TM9SF2: variants seen among roughly 807,000 people sequenced by gnomAD.
TM9SF2 encodes the protein 76 kDa membrane protein.
A neutral mutation model predicts 84.9 loss-of-function variants in TM9SF2; 13 were observed. The observed-to-expected ratio is 0.15, with a 90% CI of 0.10 to 0.24. TM9SF2 has a LOEUF of 0.24. Ranked by LOEUF, TM9SF2 falls within the 10% of genes least tolerant of loss-of-function variation. The pLI is 1.00. For synonymous variants in TM9SF2, 273 were observed against 285.8 expected, an observed-to-expected ratio of 0.96 and a Z score of 0.45; for missense variants, 562 against 818.5, an observed-to-expected ratio of 0.69 and a Z score of 3.82.
chr13:99,508,443 A>ACACC lies in TM9SF2; in HGVS notation c.171+6667_171+6668insACCC, dbSNP rs1311954976. 5.2e-4 allele frequency among the ~76,000 whole-genome samples: 76 copies of ACACC among 147,560 alleles called. 1 individual carries two copies. The highest frequency in any genetic ancestry group is 2.4e-3 in the South Asian group (11 of 4,582). On this transcript the variant is annotated intron_variant, in intron 1 of 16. Coordinates refer to ENST00000376387, the MANE Select transcript of TM9SF2 (RefSeq NM_004800.3). ...CACACACACACACACACACACACAC[A>ACACC]CCCCAGAGATTCAGTAGCTACTCCA... is the stretch of plus-strand genomic sequence containing the variant.
At chr13:99,537,604 A>G in intron 5 of TM9SF2, 135 bp from the exon 6 acceptor site, 1 of 673,960 alleles carries the variant, frequency 1.5e-6, no homozygotes. Flanking sequence ...TAAAATTGAA[A>G]CATGTTAATG....
rs183670142 is a variant in TM9SF2 at position 99,541,847 on chromosome 13, T to C, written c.1017+180T>C. The C allele has an allele frequency of 5.3e-5, 24 of 456,578 alleles. No homozygotes were observed. In the East Asian group the frequency reaches 6.3e-4, roughly 12 times the overall value. The allele number at this position is 456,578 out of a possible 1,614,324, so 28.3% of individuals were successfully genotyped here. A position where few individuals can be genotyped will look rare whatever the true frequency, so the allele number is the denominator to read the frequency against. On this transcript the variant is annotated intron_variant, in intron 9 of 16. Transcript: ENST00000376387. ...TTCACATTTTCAAATAAGAAAGTGA[T>C]ACTTAAGAATTAATATTCTTGGCTG... is the stretch of plus-strand genomic sequence containing the variant.
At chr13:99,519,115 A>T (rs955521370) in intron 2 of TM9SF2, among the ~76,000 whole-genome samples, 1 of 152,198 alleles carries the variant, frequency 6.6e-6, no homozygotes. Context: ...ATATCTAAGT[A>T]TGTCTAAGAA....
intron 16 of TM9SF2, among the ~76,000 whole-genome samples, chr13:99,561,033 A>C (rs2046342961): frequency 1.3e-5 from 2 of 152,338 alleles, no homozygotes; most frequent in South Asian, 4.1e-4. Flanking sequence ...TGAATTTTGT[A>C]ATCTGAATTA....
chr13:99,550,041 A>G (rs565252681), intron 12 of TM9SF2, among the ~76,000 whole-genome samples: 10 of 152,050 alleles, frequency 6.6e-5, no homozygotes, highest in Non-Finnish European at 1.2e-4. Flanking sequence ...CCCTCTGTCA[A>G]CTCACGAAGG....
chr13:99,550,661 T>C (rs1227087613), intron 12 of TM9SF2, among the ~76,000 whole-genome samples: 1 of 152,210 alleles, frequency 6.6e-6, no homozygotes, highest in East Asian at 1.9e-4. Flanking sequence ...GAAGGATCAT[T>C]TAATAACAGG....
chr13:99,549,320 A>T (rs1311144219), intron 12 of TM9SF2, 98 bp downstream of exon 12: 1 of 903,820 alleles, frequency 1.1e-6, no homozygotes, highest in Admixed American at 2.2e-5. Flanking sequence ...TCTCTAAATC[A>T]TGTACCTAAG....
chr13:99,519,976 A>AG, intron 2 of TM9SF2, 60 bp from the exon 3 acceptor site: 2 of 1,469,322 alleles, frequency 1.4e-6, no homozygotes, highest in South Asian at 2.3e-5. Flanking sequence ...AAGATTGGCT[A>AG]GGTGTTTGAT....
At chr13:99,538,621 C>T (rs1171781569) in intron 6 of TM9SF2, among the ~76,000 whole-genome samples, 3 of 151,802 alleles carry the variant, frequency 2.0e-5, no homozygotes, top group Non-Finnish European at 4.4e-5. Flanking sequence ...CATAATGAGA[C>T]CCTGTCTCTA....
chr13:99,554,180 T>G, intron 13 of TM9SF2, 124 bp from the exon 14 acceptor site: 1 of 1,171,848 alleles, frequency 8.5e-7, no homozygotes, highest in Non-Finnish European at 1.2e-6. Context: ...ATGTCTTAAG[T>G]AGACTTTATT....
chr13:99,536,535 A>G, intron 4 of TM9SF2, 73 bp from the exon 5 acceptor site: 1 of 1,537,788 alleles, frequency 6.5e-7, no homozygotes, highest in South Asian at 1.2e-5. Flanking sequence ...AAGTGATGAC[A>G]CTGATTTGGG....
intron 4 of TM9SF2, among the ~76,000 whole-genome samples, chr13:99,531,081 G>A (rs1479832041): frequency 6.6e-6 from 1 of 151,936 alleles, no homozygotes; most frequent in Non-Finnish European, 1.5e-5. Flanking sequence ...GGCTGGTCTC[G>A]AACTCCTGAC....
At chr13:99,502,774 A>C (rs1049854941) in intron 1 of TM9SF2, among the ~76,000 whole-genome samples, 1 of 152,236 alleles carries the variant, frequency 6.6e-6, no homozygotes, top group African/African-American at 2.4e-5. Flanking sequence ...ATAATCGTTC[A>C]ACAAACGTTT....
In TM9SF2 at chr13:99,537,757, G is replaced by A; in HGVS notation, c.610G>A (p.Asp204Asn). Reference protein sequence around the residue: ...CVISSDFHERDTFYIFNHVDI... With the variant: ...CVISSDFHERNTFYIFNHVDI... Reference sequence around the variant, plus strand: ...TCTGCAGTCAGATTTCCATGAAAGAGATACATTTTACATCTTCAACCATGT... The same window carrying A: ...TCTGCAGTCAGATTTCCATGAAAGAAATACATTTTACATCTTCAACCATGT... The change falls in exon 6 of 17, where the codon GAT (aspartate) becomes AAT (asparagine). Residue 204 changes from aspartate (D) to asparagine (N), a missense_variant. By Grantham distance (23) the Asp-to-Asn change is conservative (BLOSUM62 1). Transcript: ENST00000376387. 1 of 1,607,178 alleles carries A rather than the reference G, an allele frequency of 6.2e-7. No individual in the cohort carries two copies. The highest frequency in any genetic ancestry group is 8.5e-7 in the Non-Finnish European group (1 of 1,178,612).
At chr13:99,539,609 A>T in intron 7 of TM9SF2, 52 bp downstream of exon 7, 3 of 1,115,354 alleles carry the variant, frequency 2.7e-6, no homozygotes, top group Non-Finnish European at 4.1e-6. Flanking sequence ...TTAAATTTGT[A>T]CTACTTAAAC....
chr13:99,501,991 A>G (rs1012799485), intron 1 of TM9SF2, among the ~76,000 whole-genome samples: 8 of 152,214 alleles, frequency 5.3e-5, no homozygotes, highest in African/African-American at 1.7e-4. Context: ...AGTGGGCCTC[A>G]GACTCGCCTC....
intron 5 of TM9SF2, among the ~76,000 whole-genome samples, chr13:99,537,063 T>A (rs2046237595): frequency 6.6e-6 from 1 of 152,166 alleles, no homozygotes; most frequent in African/African-American, 2.4e-5. Flanking sequence ...AAAGGCTTCA[T>A]TATAAGTTAA....
In TM9SF2 at chr13:99,528,239, G is replaced by A. The variant is rs142042324; in HGVS notation, c.334-1228G>A. Among the ~76,000 whole-genome samples, 25 of 152,338 alleles carry A rather than the reference G, an allele frequency of 1.6e-4. No homozygotes were observed. The East Asian group carries it at 2.3e-3, about 14-fold the overall frequency. ...TGACAGGGAGAGGCTGCAGGGTGTTGTGCTGAAGAGCATGTTCTCCGGAGC... is the reference window on the plus strand; with the variant it reads ...TGACAGGGAGAGGCTGCAGGGTGTTATGCTGAAGAGCATGTTCTCCGGAGC... On this transcript the variant is annotated intron_variant, in intron 3 of 16. Coordinates refer to ENST00000376387, the MANE Select transcript of TM9SF2 (RefSeq NM_004800.3).
At position 99,563,440 on chromosome 13, in the gene TM9SF2, A is replaced by G. The variant is rs1003939980; in HGVS notation, c.*682A>G. 2.0e-5 allele frequency: 3 copies of G among 152,230 alleles called. No homozygotes were observed. Among genetic ancestry groups the G allele is most frequent in the African/African-American group, 7.2e-5 (3 of 41,462 alleles). 9.4% of individuals were successfully genotyped at this position (152,230 alleles called of 1,614,324 possible). On this transcript the variant is annotated 3_prime_UTR_variant, in exon 17 of 17. Transcript: ENST00000376387. ...ATATTCAAGGAGGTTCTGTAAATACAGATCTATTTACCAAGGTGTTTTGAA... is the reference window on the plus strand; with the variant it reads ...ATATTCAAGGAGGTTCTGTAAATACGGATCTATTTACCAAGGTGTTTTGAA...
Sources: allele counts gnomAD v4.1 joint callset (sites outside exome capture counted in the v4.1 genomes callset), GRCh38; gene constraint gnomAD v4.1.1; transcripts MANE v1.5; gene names NCBI Gene and HGNC (gene_info 2026-07-23, HGNC 2026-07-21).